The following TMEM196 variants were observed in gnomAD, a reference collection of about 807,000 sequenced individuals.
TMEM196 encodes the protein transmembrane protein 196.
A neutral mutation model predicts 20.0 loss-of-function variants in TMEM196; 17 were observed. The ratio of observed to expected loss-of-function variants is 0.85; its 90% CI spans 0.58 to 1.27. The LOEUF (loss-of-function observed/expected upper bound fraction) is 1.27, where lower values mean the gene tolerates loss of function less well. TMEM196 is among the 50% of genes most tolerant of loss of function. TMEM196 has a pLI of 0.00. For missense variants in TMEM196, 267 were observed against 223.0 expected, an observed-to-expected ratio of 1.20 and a Z score of -1.26; for synonymous variants, 113 against 88.9, an observed-to-expected ratio of 1.27 and a Z score of -1.52.
At chr7:19,759,525 C>A (rs947900821) in intron 1 of TMEM196, among the ~76,000 whole-genome samples, 1 of 152,076 alleles carries the variant, frequency 6.6e-6, no homozygotes, top group Non-Finnish European at 1.5e-5. Flanking sequence ...AACTCTAGAC[C>A]TATTTATCTA....
chr7:19,739,661 G>T (rs1344622891), intron 1 of TMEM196, among the ~76,000 whole-genome samples: 2 of 152,018 alleles, frequency 1.3e-5, no homozygotes, highest in South Asian at 2.1e-4. Flanking sequence ...ATAAGGAAAA[G>T]ATAAACGATT....
intron 1 of TMEM196, among the ~76,000 whole-genome samples, chr7:19,749,036 G>T (rs1015223149): frequency 5.3e-5 from 8 of 152,052 alleles, no homozygotes; most frequent in African/African-American, 1.9e-4. Flanking sequence ...TGAGTGGCAG[G>T]ATTATTGGCA....
At chr7:19,756,921 C>G (rs1785242184) in intron 1 of TMEM196, among the ~76,000 whole-genome samples, 1 of 152,066 alleles carries the variant, frequency 6.6e-6, no homozygotes. Flanking sequence ...TCACACTAGC[C>G]ACATCTCAAG....
intron 3 of TMEM196, among the ~76,000 whole-genome samples, 162 bp from the exon 4 acceptor site, chr7:19,724,515 G>T (rs1019229496): frequency 1.3e-5 from 2 of 152,188 alleles, no homozygotes. Flanking sequence ...CTGGAGTCTT[G>T]CTATGTATAT....
intron 1 of TMEM196, among the ~76,000 whole-genome samples, chr7:19,749,272 C>T (rs893626191): frequency 6.6e-6 from 1 of 152,166 alleles, no homozygotes; most frequent in Non-Finnish European, 1.5e-5. Flanking sequence ...ACTTATAACA[C>T]GTGATACGGA....
rs920938006 is a variant in TMEM196 at position 19,772,761 on chromosome 7, A to G, written c.-65T>C. 7.2e-6 allele frequency: 10 copies of G among 1,397,030 alleles called. No homozygotes were observed. The African/African-American group carries it at 1.3e-4, about 18-fold the overall frequency. 86.5% of individuals were successfully genotyped at this position (1,397,030 alleles called of 1,614,324 possible). A position where few individuals can be genotyped will look rare whatever the true frequency, so the allele number is the denominator to read the frequency against. ...TCAACCATCTACCTTTTTTTCTTCC[A>G]CTATCCTCCTTACCCCTTCCACCCC... is the stretch of plus-strand genomic sequence containing the variant. On this transcript the variant is annotated 5_prime_UTR_variant, in exon 1 of 5. Coordinates refer to ENST00000405844, the MANE Select transcript of TMEM196 (RefSeq NM_001363562.2).
At chr7:19,760,024 G>GA (rs1373426823) in intron 1 of TMEM196, among the ~76,000 whole-genome samples, 1 of 151,934 alleles carries the variant, frequency 6.6e-6, no homozygotes, top group Non-Finnish European at 1.5e-5. Context: ...TATAATTACG[G>GA]AAAAATCTAA....
At chr7:19,730,932 A>T (rs1784181603) in intron 1 of TMEM196, among the ~76,000 whole-genome samples, 1 of 152,172 alleles carries the variant, frequency 6.6e-6, no homozygotes, top group South Asian at 2.1e-4. Flanking sequence ...ATAGAGCTAG[A>T]ATAATGTGTT....
At chr7:19,762,881 C>G (rs1438975166) in intron 1 of TMEM196, among the ~76,000 whole-genome samples, 1 of 152,152 alleles carries the variant, frequency 6.6e-6, no homozygotes, top group Non-Finnish European at 1.5e-5. Flanking sequence ...AATGTTCATC[C>G]AACATGCATA....
In TMEM196 at chr7:19,725,747, A is replaced by G; in HGVS notation, c.226T>C (p.Cys76Arg). ...ATGCCCCCAATAAGTCCACAGATAC[A>G]GCAGGCTGAAAAGAGGATCATCTGA... ...GLVMILFSAC[C>R]ICGLIGGILN... The change falls in exon 3 of 5, where the codon TGT becomes CGT. Residue 76 changes from cysteine (C) to arginine (R), a missense_variant. Transcript: ENST00000405844. The G allele has an allele frequency of 6.2e-7, 1 of 1,605,990 alleles. No homozygotes were observed. Among genetic ancestry groups the G allele is most frequent in the Non-Finnish European group, 8.5e-7 (1 of 1,174,384 alleles).
rs1562612205 is a variant in TMEM196, at chr7:19,736,354, TATATATATATATATATATA to T, written c.148-6935_148-6917del. ...ATCCCACTTTTCTAGTGGTTCCTAC[TATATATATATATATATATA>T]TATATATATATATATATATATATAT... On this transcript the variant is annotated intron_variant, in intron 1 of 4. Coordinates refer to ENST00000405844, the MANE Select transcript of TMEM196 (RefSeq NM_001363562.2). 1.0e-3 allele frequency among the ~76,000 whole-genome samples: 92 copies of T among 88,098 alleles called. 1 individual carries two copies. The highest frequency in any genetic ancestry group is 2.9e-3 in the African/African-American group (87 of 29,870). The allele number at this position is 88,098 out of a possible 152,430, so 57.8% of individuals were successfully genotyped here.
Position 19,729,455 on chromosome 7 carries a change from G to C in TMEM196, c.148-17C>G. The C allele has an allele frequency of 6.5e-7, 1 of 1,548,748 alleles. No individual in the cohort carries two copies. Among genetic ancestry groups the C allele is most frequent in the Non-Finnish European group, 8.7e-7 (1 of 1,146,238 alleles). ...AAGAAGAAACTGAAAAGGAAAAGAA[G>C]AACAATTACTCCTTATCCAAAGACA... On this transcript the variant is annotated splice_polypyrimidine_tract_variant and intron_variant, in intron 1 of 4. Coordinates refer to ENST00000405844, the MANE Select transcript of TMEM196 (RefSeq NM_001363562.2).
intron 2 of TMEM196, among the ~76,000 whole-genome samples, chr7:19,727,856 A>G (rs1262956087): frequency 1.3e-5 from 2 of 152,170 alleles, no homozygotes; most frequent in Non-Finnish European, 2.9e-5. Context: ...TAAATCTGTA[A>G]CCATATACTA....
At chr7:19,754,087 C>T (rs1471233886) in intron 1 of TMEM196, among the ~76,000 whole-genome samples, 1 of 152,188 alleles carries the variant, frequency 6.6e-6, no homozygotes, top group Non-Finnish European at 1.5e-5. Flanking sequence ...ACTCTGGAGT[C>T]ATACTGACTG....
intron 3 of TMEM196, 71 bp from the exon 4 acceptor site, chr7:19,724,424 T>A: frequency 7.1e-7 from 1 of 1,399,808 alleles, no homozygotes; most frequent in Non-Finnish European, 9.9e-7. Context: ...CAGACTAGTA[T>A]AAAATAAAGC....
intron 1 of TMEM196, among the ~76,000 whole-genome samples, chr7:19,767,561 A>G (rs1243580309): frequency 6.6e-6 from 1 of 152,044 alleles, no homozygotes; most frequent in African/African-American, 2.4e-5. Context: ...TAATAAAATA[A>G]TGGTGCCTGA....
At chr7:19,730,198 G>A (rs1366961619) in intron 1 of TMEM196, among the ~76,000 whole-genome samples, 1 of 151,660 alleles carries the variant, frequency 6.6e-6, no homozygotes, top group African/African-American at 2.4e-5. Context: ...GAGGCTTGCA[G>A]TGAGCCAAGA....
chr7:19,772,559 G>C lies in TMEM196; in HGVS notation c.138C>G (p.Asp46Glu). The C allele has an allele frequency of 6.5e-7, 1 of 1,543,842 alleles. No individual in the cohort carries two copies. Among genetic ancestry groups the C allele is most frequent in the Non-Finnish European group, 8.7e-7 (1 of 1,144,412 alleles). The change falls in exon 1 of 5, where the codon GAC becomes GAG. Residue 46 changes from aspartate to glutamate, a missense_variant. Asp to Glu is a conservative substitution (Grantham distance 45). Coordinates refer to ENST00000405844, the MANE Select transcript of TMEM196 (RefSeq NM_001363562.2). ...ALREHKPQLGDSSPFLLCGIC... is the reference protein window; with the variant it reads ...ALREHKPQLGESSPFLLCGIC... The stretch of plus-strand genomic sequence containing the variant: ...ACACCCCGCTCCATACCGGGGACGA[G>C]TCTCCGAGCTGCGGCTTGTGCTCTC...
At chr7:19,738,522 C>G (rs1443245271) in intron 1 of TMEM196, among the ~76,000 whole-genome samples, 1 of 152,054 alleles carries the variant, frequency 6.6e-6, no homozygotes, top group Admixed American at 6.6e-5. Flanking sequence ...GTTTCTAATA[C>G]CTTCTCCTAT....
Sources: allele counts gnomAD v4.1 joint callset (sites outside exome capture counted in the v4.1 genomes callset), GRCh38; gene constraint gnomAD v4.1.1; transcripts MANE v1.5; gene names NCBI Gene and HGNC (gene_info 2026-07-23, HGNC 2026-07-21).